Variants in GRB14 observed in about 807,000 individuals in gnomAD.
The protein encoded by GRB14 is growth factor receptor bound protein 14.
In GRB14, 38 loss-of-function variants were observed where a neutral mutation model predicts 69.1. The observed-to-expected ratio is 0.55, with a 90% CI of 0.42 to 0.72. The LOEUF (loss-of-function observed/expected upper bound fraction) is 0.72. Ranked by LOEUF, GRB14 falls within the 30% of genes least tolerant of loss-of-function variation. GRB14 has a pLI of 0.00. For missense variants in GRB14, 666 were observed against 666.1 expected (o/e 1.00, Z 0.00); for synonymous variants, 247 against 241.3 (o/e 1.02, Z -0.22).
chr2:164,501,932 A>T (rs1427693504), intron 9 of GRB14, among the ~76,000 whole-genome samples: 1 of 152,018 alleles, frequency 6.6e-6, no homozygotes, highest in African/African-American at 2.4e-5. Context: ...TCTATAAATT[A>T]TATTTTTAAG....
chr2:164,618,925 C>T (rs1690374044), intron 2 of GRB14, among the ~76,000 whole-genome samples: 1 of 152,182 alleles, frequency 6.6e-6, no homozygotes, highest in Non-Finnish European at 1.5e-5. Context: ...TGAGGCTTCT[C>T]TTTGTTTTGC....
chr2:164,515,518 C>T lies in GRB14; in HGVS notation c.816+6462G>A, dbSNP rs1400799377. On this transcript the variant is annotated intron_variant, in intron 6 of 13. Coordinates refer to ENST00000263915, the MANE Select transcript of GRB14 (RefSeq NM_004490.3). ...CACATCCCTAGGGGAAGAGGGAGAG[C>T]ACCATATTAAGGGAGCACCCTGTGG... Among the ~76,000 whole-genome samples, 4 of 152,254 alleles carry T rather than the reference C, an allele frequency of 2.6e-5. No homozygotes were observed. In the South Asian group the frequency reaches 6.2e-4, roughly 24 times the overall value.
chr2:164,583,899 AT>A (rs1251282080), intron 2 of GRB14, among the ~76,000 whole-genome samples: 1 of 151,844 alleles, frequency 6.6e-6, no homozygotes, highest in African/African-American at 2.4e-5. Context: ...GAAAATACTT[AT>A]TTTGTCTTCT....
chr2:164,545,314 G>A (rs1470502589), intron 3 of GRB14, among the ~76,000 whole-genome samples: 1 of 152,036 alleles, frequency 6.6e-6, no homozygotes, highest in Non-Finnish European at 1.5e-5. Context: ...TGAATGTCAC[G>A]TGGAAAAAAA....
intron 6 of GRB14, among the ~76,000 whole-genome samples, chr2:164,520,883 G>C (rs751127865): frequency 6.6e-6 from 1 of 152,106 alleles, no homozygotes; most frequent in Non-Finnish European, 1.5e-5. Context: ...TGGATGTGGT[G>C]AAAAGGGAAT....
At chr2:164,549,385 G>C (rs1036106225) in intron 2 of GRB14, among the ~76,000 whole-genome samples, 5 of 152,046 alleles carry the variant, frequency 3.3e-5, no homozygotes, top group Non-Finnish European at 7.4e-5. Context: ...TCCTTATACA[G>C]TGTCTTCTAC....
At chr2:164,611,167 A>G (rs1443902579) in intron 2 of GRB14, among the ~76,000 whole-genome samples, 1 of 152,200 alleles carries the variant, frequency 6.6e-6, no homozygotes, top group African/African-American at 2.4e-5. Flanking sequence ...GAGTCCTGTC[A>G]AAGGAAGAAA....
intron 2 of GRB14, among the ~76,000 whole-genome samples, chr2:164,619,007 A>T (rs1200061794): frequency 6.6e-6 from 1 of 152,206 alleles, no homozygotes; most frequent in Non-Finnish European, 1.5e-5. Flanking sequence ...TTTCCCCTCC[A>T]AATGTACAGC....
intron 2 of GRB14, chr2:164,568,313 A>G: frequency 7.8e-7 from 1 of 1,286,906 alleles, no homozygotes; most frequent in Non-Finnish European, 1.0e-6. Flanking sequence ...GAAGTCACAT[A>G]CCCTTTTCTG....
intron 8 of GRB14, among the ~76,000 whole-genome samples, chr2:164,506,956 TG>T (rs1687207521): frequency 6.6e-6 from 1 of 152,174 alleles, no homozygotes; most frequent in African/African-American, 2.4e-5. Context: ...AATTGGTGAT[TG>T]CTAGGGTGTG....
chr2:164,603,709 C>T (rs1328597582), intron 2 of GRB14, among the ~76,000 whole-genome samples: 8 of 149,566 alleles, frequency 5.3e-5, no homozygotes, highest in Non-Finnish European at 1.0e-4. Context: ...ATATTCAGGA[C>T]AGAGAGGGAA....
chr2:164,597,944 G>C (rs1310273803), intron 2 of GRB14, among the ~76,000 whole-genome samples: 1 of 151,884 alleles, frequency 6.6e-6, no homozygotes, highest in East Asian at 1.9e-4. Context: ...AATAGGGAGC[G>C]GAGGGGAATC....
chr2:164,521,248 C>T (rs934833207), intron 6 of GRB14, among the ~76,000 whole-genome samples: 5 of 152,122 alleles, frequency 3.3e-5, no homozygotes, highest in East Asian at 3.9e-4. Flanking sequence ...CATTATCCTA[C>T]GCGAAGTAAC....
chr2:164,602,181 G>A (rs926088503), intron 2 of GRB14, among the ~76,000 whole-genome samples: 1 of 150,720 alleles, frequency 6.6e-6, no homozygotes, highest in Non-Finnish European at 1.5e-5. Context: ...GGAAGAGAAG[G>A]GAAGGGAAGG....
Position 164,492,866 on chromosome 2 carries a change from A to C in GRB14, c.*170T>G. On this transcript the variant is annotated 3_prime_UTR_variant, in exon 14 of 14. Transcript: ENST00000263915. ...CTAATGAATTTTAAATGATGAATGT[A>C]AAGTCAATCCAAGTCTTTGCTTATT... 1.9e-6 allele frequency: 1 copy of C among 526,982 alleles called. No individual in the cohort carries two copies. The highest frequency in any genetic ancestry group is 3.2e-6 in the Non-Finnish European group (1 of 310,834). 32.6% of individuals were successfully genotyped at this position (526,982 alleles called of 1,614,324 possible).
chr2:164,511,861 G>C (rs1687347537), intron 6 of GRB14, among the ~76,000 whole-genome samples: 2 of 152,138 alleles, frequency 1.3e-5, no homozygotes, highest in Admixed American at 6.5e-5. Flanking sequence ...CTCAGCTCTT[G>C]GATGACATTT....
At position 164,497,239 on chromosome 2, in the gene GRB14, G is replaced by C. The variant is rs771184491; in HGVS notation, c.1266C>G (p.Ala422=). Residue 422 remains alanine (A), a synonymous_variant, in exon 11 of 14, where the codon GCC becomes GCG. Transcript: ENST00000263915. ...TGTTTGTGGCAGAGCTCTGTGAAGA[G>C]GCAGTGGGGCTACCGTGAGTGCCCA... ...LRLGTHGSPT[A]SSQSSATNMA... The C allele has an allele frequency of 1.7e-5, 27 of 1,613,868 alleles. 2 individuals are homozygous for C. The South Asian group carries it at 3.0e-4, about 18-fold the overall frequency.
intron 2 of GRB14, among the ~76,000 whole-genome samples, chr2:164,551,141 T>A (rs1688527314): frequency 6.6e-6 from 1 of 152,230 alleles, no homozygotes; most frequent in South Asian, 2.1e-4. Context: ...AGAGCCAGTT[T>A]ATCAGTGCAC....
chr2:164,574,049 G>A, intron 2 of GRB14: 1 of 1,183,428 alleles, frequency 8.5e-7, no homozygotes, highest in Admixed American at 1.8e-5. Flanking sequence ...TAAATATGTA[G>A]CCTAGATCTT....
Sources: gnomAD v4.1 joint callset for allele counts (sites outside exome capture counted in the v4.1 genomes callset) on GRCh38, gnomAD v4.1.1 for gene constraint, MANE v1.5 for transcripts, NCBI Gene and HGNC (gene_info 2026-07-23, HGNC 2026-07-21) for gene names.